SPAG17: variants seen among roughly 807,000 people sequenced by gnomAD.
SPAG17 encodes sperm associated antigen 17.
A neutral mutation model predicts 273.6 loss-of-function variants in SPAG17; 169 were observed. The observed-to-expected ratio is 0.62, with a 90% CI of 0.55 to 0.70. SPAG17 has a LOEUF of 0.70. Among genes scored for constraint, SPAG17 ranks in the 30% least tolerant of loss-of-function variants. The pLI is 0.00. For missense variants in SPAG17, 2,557 were observed against 2,627.8 expected, an observed-to-expected ratio of 0.97 and a Z score of 0.59; for synonymous variants, 825 against 873.2, an observed-to-expected ratio of 0.94 and a Z score of 0.97.
intron 20 of SPAG17, among the ~76,000 whole-genome samples, chr1:118,048,910 A>T (rs1650678388): frequency 6.6e-6 from 1 of 152,176 alleles, no homozygotes; most frequent in Non-Finnish European, 1.5e-5. Context: ...AAATAAAAAT[A>T]AAAAATAAAA....
intron 42 of SPAG17, among the ~76,000 whole-genome samples, chr1:117,982,828 A>T (rs1655988111): frequency 2.0e-5 from 3 of 152,084 alleles, no homozygotes; most frequent in Non-Finnish European, 2.9e-5. Context: ...ATATCACTTT[A>T]GTCTGTTTTA....
intron 28 of SPAG17, among the ~76,000 whole-genome samples, chr1:118,016,943 C>G (rs1228671227): frequency 2.6e-5 from 4 of 152,140 alleles, no homozygotes; most frequent in African/African-American, 9.7e-5. Flanking sequence ...GTTATCACAT[C>G]TCAATGATGA....
intron 28 of SPAG17, among the ~76,000 whole-genome samples, chr1:118,016,869 T>G (rs1212109671): frequency 6.6e-6 from 1 of 152,264 alleles, no homozygotes; most frequent in East Asian, 1.9e-4. Flanking sequence ...AGTTGCTCTA[T>G]CAGGGTAGAC....
chr1:118,029,376 A>AT (rs919996694), intron 25 of SPAG17, among the ~76,000 whole-genome samples: 4 of 151,950 alleles, frequency 2.6e-5, no homozygotes, highest in African/African-American at 7.2e-5. Flanking sequence ...AGTCTAAGGT[A>AT]TTTTTTTTAT....
intron 3 of SPAG17, among the ~76,000 whole-genome samples, chr1:118,132,383 T>C (rs1002240092): frequency 6.6e-6 from 1 of 152,080 alleles, no homozygotes; most frequent in Non-Finnish European, 1.5e-5. Flanking sequence ...GGGTGCCGGG[T>C]TGGGCTGGGG....
rs114509857 is a variant in SPAG17 at position 118,038,120 on chromosome 1, T to C, written c.3319+1172A>G. Among the ~76,000 whole-genome samples the C allele has an allele frequency of 7.1e-3, 1,075 of 152,212 alleles. 16 individuals are homozygous for C. Among genetic ancestry groups the C allele is most frequent in the African/African-American group, 0.025 (1,036 of 41,524 alleles). ...TAAAAACCTGATTAAAAAATGGGCATGAAACTTCAACAGACACTTCACCAA... is the reference window on the plus strand; with the variant it reads ...TAAAAACCTGATTAAAAAATGGGCACGAAACTTCAACAGACACTTCACCAA... On this transcript the variant is annotated intron_variant, in intron 23 of 48. Coordinates refer to ENST00000336338, the MANE Select transcript of SPAG17 (RefSeq NM_206996.4).
At chr1:118,144,576 G>A (rs1658866574) in intron 3 of SPAG17, among the ~76,000 whole-genome samples, 1 of 152,062 alleles carries the variant, frequency 6.6e-6, no homozygotes, top group Admixed American at 6.6e-5. Context: ...TAAATATCAG[G>A]TTGTATTAAT....
At chr1:118,004,398 G>T (rs568080505) in intron 32 of SPAG17, among the ~76,000 whole-genome samples, 1 of 152,214 alleles carries the variant, frequency 6.6e-6, no homozygotes, top group African/African-American at 2.4e-5. Context: ...GCTGCCTTTC[G>T]TTCAGCTAAG....
chr1:118,109,934 C>T (rs1232040121), intron 4 of SPAG17, among the ~76,000 whole-genome samples: 1 of 152,138 alleles, frequency 6.6e-6, no homozygotes, highest in Non-Finnish European at 1.5e-5. Context: ...TAAATATCTT[C>T]AAGAGTTGTA....
At position 118,005,476 on chromosome 1, in the gene SPAG17, T is replaced by A. The variant is rs1239461414; in HGVS notation, c.4714A>T (p.Ile1572Phe). Reference protein sequence around the residue: ...KREQLRAGRYIMRHTSEVICE... With the variant: ...KREQLRAGRYFMRHTSEVICE... ...ATAACCTCTGAAGTATGCCTCATGA[T>A]GTACCTGCCAGCTCGCAGCTGCTCA... Residue 1572 changes from isoleucine (I) to phenylalanine (F), a missense_variant, in exon 32 of 49, where the codon ATC (isoleucine) becomes TTC (phenylalanine). Ile to Phe is a conservative substitution (Grantham distance 21, BLOSUM62 0). Coordinates refer to ENST00000336338, the MANE Select transcript of SPAG17 (RefSeq NM_206996.4). The A allele has an allele frequency of 3.7e-6, 6 of 1,613,776 alleles. No homozygotes were observed. The South Asian group carries it at 6.6e-5, about 18-fold the overall frequency.
intron 3 of SPAG17, among the ~76,000 whole-genome samples, chr1:118,117,125 C>G (rs1657134693): frequency 6.6e-6 from 1 of 152,216 alleles, no homozygotes; most frequent in East Asian, 1.9e-4. Context: ...GACAATCAGG[C>G]TCTGTGACAT....
Position 117,953,793 on chromosome 1 carries a change from C to T in SPAG17, c.*257G>A. 1.7e-6 allele frequency: 1 copy of T among 602,260 alleles called. No individual in the cohort carries two copies. Among genetic ancestry groups the T allele is most frequent in the South Asian group, 2.2e-5 (1 of 46,346 alleles). 37.3% of individuals were successfully genotyped at this position (602,260 alleles called of 1,614,324 possible). On this transcript the variant is annotated 3_prime_UTR_variant, in exon 49 of 49. Transcript: ENST00000336338. ...TTCAGAGTGTCTAGATATCATCCCA[C>T]CTGAGTCCATGACACTCAGTCTCTT...
chr1:118,027,600 C>T (rs1432617072), intron 26 of SPAG17, among the ~76,000 whole-genome samples: 2 of 152,158 alleles, frequency 1.3e-5, no homozygotes, highest in Admixed American at 6.6e-5. Flanking sequence ...TCAGTGCCTG[C>T]TTTGTTGCAT....
intron 48 of SPAG17, chr1:117,959,768 C>A (rs1452242416): frequency 1.1e-5 from 2 of 179,048 alleles, no homozygotes; most frequent in Non-Finnish European, 2.3e-5. Context: ...GTATTTGTTT[C>A]ATTGGAGTTG....
chr1:117,961,770 A>G (rs2101372978), intron 48 of SPAG17: 1 of 152,454 alleles, frequency 6.6e-6, no homozygotes, highest in Non-Finnish European at 1.5e-5. Context: ...AAATAAGTGA[A>G]TTTTGGCATA....
intron 2 of SPAG17, 47 bp downstream of exon 2, chr1:118,151,182 A>G (rs200955675): frequency 4.2e-6 from 6 of 1,429,392 alleles, no homozygotes; most frequent in African/African-American, 1.4e-5. Flanking sequence ...CTATTATTTT[A>G]AGTAAAAAAG....
intron 13 of SPAG17, among the ~76,000 whole-genome samples, chr1:118,083,873 G>A (rs1298221633): frequency 1.3e-5 from 2 of 152,164 alleles, no homozygotes; most frequent in Admixed American, 1.3e-4. Context: ...AAGGGAGATG[G>A]TGAAGGGACA....
intron 24 of SPAG17, among the ~76,000 whole-genome samples, chr1:118,032,095 A>G (rs1358315396): frequency 3.9e-5 from 6 of 152,208 alleles, no homozygotes; most frequent in Non-Finnish European, 1.5e-5. Context: ...TCACTGAATC[A>G]CTATTTCTCA....
Position 118,157,289 on chromosome 1 carries a change from A to T in SPAG17, c.88-5920T>A, listed in dbSNP as rs527507962. On this transcript the variant is annotated intron_variant, in intron 1 of 48. Transcript: ENST00000336338. ...ATATTAAGGAGGGCAAAGCAGATTT[A>T]TTCCCTCTATTGCATACAAACCCCA... is the stretch of plus-strand genomic sequence containing the variant. Among the ~76,000 whole-genome samples the T allele has an allele frequency of 7.9e-5, 12 of 152,276 alleles. No individual in the cohort carries two copies. In the South Asian group the frequency reaches 2.3e-3, roughly 29 times the overall value.
Sources: allele counts gnomAD v4.1 joint callset (sites outside exome capture counted in the v4.1 genomes callset), GRCh38; gene constraint gnomAD v4.1.1; transcripts MANE v1.5; gene names NCBI Gene and HGNC (gene_info 2026-07-23, HGNC 2026-07-21).